The following SHISA9 variants were observed in gnomAD, a reference collection of about 807,000 sequenced individuals.
SHISA9 encodes the protein shisa family member 9.
In SHISA9, 13 loss-of-function variants were observed where a neutral mutation model predicts 38.0. The observed-to-expected ratio is 0.34, with a 90% CI of 0.22 to 0.54. The LOEUF is 0.54. Ranked by LOEUF, SHISA9 falls within the 20% of genes least tolerant of loss-of-function variation. The probability of loss-of-function intolerance (pLI) is 0.91; values close to 1 mark genes in which losing one functional copy is unlikely to be tolerated. For synonymous variants in SHISA9, 275 were observed against 242.0 expected (o/e 1.14, Z -1.27); for missense variants, 538 against 575.8 (o/e 0.93, Z 0.67).
At chr16:13,215,106 G>T (rs930849121) in intron 4 of SHISA9, among the ~76,000 whole-genome samples, 1 of 152,184 alleles carries the variant, frequency 6.6e-6, no homozygotes, top group East Asian at 1.9e-4. Context: ...AAGAAAATGG[G>T]AGTGGAAGGA....
intron 2 of SHISA9, among the ~76,000 whole-genome samples, chr16:12,994,876 T>C (rs1411887984): frequency 2.0e-5 from 3 of 152,102 alleles, no homozygotes; most frequent in Admixed American, 2.0e-4. Flanking sequence ...TCAGTTTTAG[T>C]CTTGTCAATC....
At chr16:13,052,141 T>C (rs940009160) in intron 2 of SHISA9, among the ~76,000 whole-genome samples, 1 of 152,084 alleles carries the variant, frequency 6.6e-6, no homozygotes, top group Non-Finnish European at 1.5e-5. Context: ...TAGTTTACGG[T>C]AGAAACCCCC....
chr16:13,435,261 C>T, the SHISA9 span, among the ~76,000 whole-genome samples: 1 of 151,020 alleles, frequency 6.6e-6, no homozygotes, highest in Admixed American at 6.6e-5. Flanking sequence ...ACTGAGATAA[C>T]TATATGTCAG....
the SHISA9 span, among the ~76,000 whole-genome samples, chr16:13,245,716 C>G: frequency 6.6e-6 from 1 of 152,176 alleles, no homozygotes; most frequent in African/African-American, 2.4e-5. Flanking sequence ...CAACCTTAAG[C>G]TCTGGCCTAT....
At chr16:13,527,423 T>C in the SHISA9 span, among the ~76,000 whole-genome samples, 1 of 152,220 alleles carries the variant, frequency 6.6e-6, no homozygotes, top group East Asian at 1.9e-4. Flanking sequence ...CTAATTAACT[T>C]CTTCACTGAG....
At chr16:13,004,288 G>A (rs1001045675) in intron 2 of SHISA9, among the ~76,000 whole-genome samples, 4 of 152,202 alleles carry the variant, frequency 2.6e-5, no homozygotes, top group Non-Finnish European at 2.9e-5. Context: ...AGCCTCAATA[G>A]TGAGTCTGTG....
the SHISA9 span, among the ~76,000 whole-genome samples, chr16:13,524,356 T>C: frequency 6.6e-6 from 1 of 152,318 alleles, no homozygotes; most frequent in South Asian, 2.1e-4. Context: ...CAGAAGATGT[T>C]TGCCCACTGG....
At chr16:13,419,231 C>T in the SHISA9 span, among the ~76,000 whole-genome samples, 1 of 152,146 alleles carries the variant, frequency 6.6e-6, no homozygotes, top group Non-Finnish European at 1.5e-5. Flanking sequence ...CCAGGGAGCC[C>T]TGAATAAATG....
chr16:12,907,293 G>C (rs12920186), intron 1 of SHISA9, among the ~76,000 whole-genome samples: 57,507 of 139,546 alleles, frequency 0.41, 11,881 homozygotes, highest in East Asian at 0.57. Context: ...TCCCTTCTTT[G>C]CTTCTTTTTT....
the SHISA9 span, among the ~76,000 whole-genome samples, chr16:13,533,565 C>A: frequency 6.6e-6 from 1 of 152,028 alleles, no homozygotes; most frequent in Non-Finnish European, 1.5e-5. Context: ...CACCCCACCC[C>A]CACCACCAAA....
chr16:12,953,915 T>C (rs2071794141), intron 2 of SHISA9, among the ~76,000 whole-genome samples: 1 of 152,168 alleles, frequency 6.6e-6, no homozygotes, highest in Admixed American at 6.5e-5. Flanking sequence ...CATCAGCTCT[T>C]GTGAGAACTC....
At chr16:12,926,508 A>G (rs1567341562) in intron 2 of SHISA9, among the ~76,000 whole-genome samples, 1 of 152,214 alleles carries the variant, frequency 6.6e-6, no homozygotes, top group African/African-American at 2.4e-5. Context: ...TTGGAGGTAC[A>G]AGGATGAATT....
At chr16:13,460,854 C>T in the SHISA9 span, among the ~76,000 whole-genome samples, 1 of 152,078 alleles carries the variant, frequency 6.6e-6, no homozygotes, top group Non-Finnish European at 1.5e-5. Flanking sequence ...CAAATCCTGC[C>T]CCACATTCAG....
intron 2 of SHISA9, among the ~76,000 whole-genome samples, chr16:12,961,428 A>G (rs988040750): frequency 1.3e-5 from 2 of 152,212 alleles, no homozygotes; most frequent in Non-Finnish European, 2.9e-5. Context: ...CCATTTCTGG[A>G]AGGCCACTTG....
At chr16:13,389,835 C>T in the SHISA9 span, among the ~76,000 whole-genome samples, 3 of 152,246 alleles carry the variant, frequency 2.0e-5, no homozygotes, top group South Asian at 2.1e-4. Context: ...AATATCTCCA[C>T]TGGCTATAAT....
intron 2 of SHISA9, among the ~76,000 whole-genome samples, chr16:13,003,867 A>G (rs1333319237): frequency 8.3e-6 from 1 of 120,168 alleles, no homozygotes; most frequent in Non-Finnish European, 1.7e-5. Flanking sequence ...CAAAATAATA[A>G]TAATAATAAT....
the SHISA9 span, among the ~76,000 whole-genome samples, chr16:13,497,028 A>G: frequency 6.6e-6 from 1 of 152,232 alleles, no homozygotes; most frequent in East Asian, 1.9e-4. Flanking sequence ...TCTGAAGTTA[A>G]TTTGAAAATA....
intron 2 of SHISA9, among the ~76,000 whole-genome samples, chr16:12,947,854 C>T (rs1229721527): frequency 6.6e-6 from 1 of 152,138 alleles, no homozygotes; most frequent in African/African-American, 2.4e-5. Flanking sequence ...CAAGAGTGAT[C>T]CCCCAAGTAG....
chr16:13,208,594 A>C (rs2051089909), intron 3 of SHISA9, among the ~76,000 whole-genome samples: 1 of 152,064 alleles, frequency 6.6e-6, no homozygotes, highest in South Asian at 2.1e-4. Context: ...CATACATGGC[A>C]TGTAACTGCA....
Sources: allele counts gnomAD v4.1 joint callset (sites outside exome capture counted in the v4.1 genomes callset), GRCh38; gene constraint gnomAD v4.1.1; transcripts MANE v1.5; gene names NCBI Gene and HGNC (gene_info 2026-07-23, HGNC 2026-07-21).